Variants in MYH16 observed in about 807,000 individuals in gnomAD.
MYH16 encodes putative uncharacterized protein MYH16.
At chr7:99,274,669 CTTTTTTTTT>C (rs745470963) in intron 20 of MYH16, among the ~76,000 whole-genome samples, 2 of 117,564 alleles carry the variant, frequency 1.7e-5, no homozygotes, top group East Asian at 5.0e-4. Flanking sequence ...CATTAATTCA[CTTTTTTTTT>C]TTTTTTTTTT....
chr7:99,277,408 C>T (rs1181708176), intron 20 of MYH16, 131 bp from the exon 3 acceptor site: 1 of 346,198 alleles, frequency 2.9e-6, no homozygotes, highest in Non-Finnish European at 5.7e-6. Context: ...ACCCGCAGAG[C>T]TACAGCAAGA....
At chr7:99,275,199 T>C (rs1239831066) in intron 20 of MYH16, among the ~76,000 whole-genome samples, 1 of 152,124 alleles carries the variant, frequency 6.6e-6, no homozygotes, top group Non-Finnish European at 1.5e-5. Context: ...GGTCTTGCTA[T>C]GTTGCCCAGG....
chr7:99,296,792 TG>T (rs1406827226), exon 34 of MYH16: 1 of 456,336 alleles, frequency 2.2e-6, no homozygotes, highest in Non-Finnish European at 4.4e-6. Context: ...GAGTTGCAGG[TG>T]GAAGTGGACA....
intron 9 of MYH16, among the ~76,000 whole-genome samples, chr7:99,256,595 G>A (rs1277462869): frequency 6.6e-6 from 1 of 152,188 alleles, no homozygotes; most frequent in Non-Finnish European, 1.5e-5. Context: ...CCAACATGGT[G>A]AAACCCCGTC....
At chr7:99,273,415 TACA>T (rs1380142461) in exon 20 of MYH16, 4 of 456,542 alleles carry the variant, frequency 8.8e-6, no homozygotes, top group South Asian at 1.5e-5. Context: ...GTGGAAGCTG[TACA>T]ACAAGGTGAG....
intron 12 of MYH16, chr7:99,260,527 T>G: frequency 3.1e-6 from 1 of 322,374 alleles, no homozygotes; most frequent in East Asian, 6.8e-5. Context: ...TGTTGGGCTA[T>G]TGCATGCCAC....
intron 20 of MYH16, among the ~76,000 whole-genome samples, chr7:99,273,891 AAAGGGAGAGAGGAAAGG>A (rs958134746): frequency 9.4e-5 from 14 of 148,816 alleles, no homozygotes; most frequent in Non-Finnish European, 1.6e-4. Context: ...GGGAGAGATG[AAAGGGAGAGAGGAAAGG>A]AAGGGAGAGA....
chr7:99,283,965 C>A (rs745338181), exon 25 of MYH16: 8 of 456,632 alleles, frequency 1.8e-5, no homozygotes, highest in South Asian at 1.2e-4. Context: ...TGACCATCGA[C>A]AACCTCAATG....
At chr7:99,274,048 G>C (rs907213386) in intron 20 of MYH16, among the ~76,000 whole-genome samples, 5 of 152,212 alleles carry the variant, frequency 3.3e-5, no homozygotes, top group Non-Finnish European at 5.9e-5. Context: ...CCTTGCCCCT[G>C]GGCATGTTGA....
chr7:99,290,027 C>T (rs556934749), intron 30 of MYH16, among the ~76,000 whole-genome samples: 1 of 152,216 alleles, frequency 6.6e-6, no homozygotes, highest in East Asian at 1.9e-4. Context: ...TCTAACTTTG[C>T]AGAAGCTGTG....
At chr7:99,256,160 C>T (rs935152097) in intron 9 of MYH16, among the ~76,000 whole-genome samples, 4 of 150,536 alleles carry the variant, frequency 2.7e-5, no homozygotes, top group Non-Finnish European at 5.9e-5. Context: ...ATAATAGTGC[C>T]AGGCACAGTA....
intron 23 of MYH16, 59 bp from the exon 6 acceptor site, chr7:99,283,506 G>T (rs1300528481): frequency 1.5e-5 from 7 of 453,856 alleles, no homozygotes; most frequent in African/African-American, 4.0e-5. Flanking sequence ...TGAGGATCAG[G>T]ACTGTTCAGC....
intron 2 of MYH16, among the ~76,000 whole-genome samples, chr7:99,246,204 T>C (rs1433481919): frequency 7.6e-6 from 1 of 130,752 alleles, no homozygotes; most frequent in Non-Finnish European, 1.6e-5. Flanking sequence ...AGGCTCTGTC[T>C]CTAAAAAAAA....
At chr7:99,268,546 C>T (rs1423234698) in intron 18 of MYH16, among the ~76,000 whole-genome samples, 1 of 152,226 alleles carries the variant, frequency 6.6e-6, no homozygotes, top group East Asian at 1.9e-4. Context: ...ACAAGGGTTG[C>T]ATTAGGCACG....
chr7:99,243,947 A>G (rs1008014583), intron 2 of MYH16, among the ~76,000 whole-genome samples: 1 of 151,980 alleles, frequency 6.6e-6, no homozygotes, highest in Non-Finnish European at 1.5e-5. Context: ...CCATCCAAAC[A>G]TCTATCCATC....
At chr7:99,289,487 C>A in intron 30 of MYH16, 83 bp downstream of exon 11, 1 of 221,392 alleles carries the variant, frequency 4.5e-6, no homozygotes. Flanking sequence ...GCTTTCTTGG[C>A]CTTGGAAGAT....
chr7:99,266,502 G>A (rs1480081936), intron 17 of MYH16, among the ~76,000 whole-genome samples: 1 of 152,158 alleles, frequency 6.6e-6, no homozygotes, highest in Non-Finnish European at 1.5e-5. Context: ...GTGTGTCCAA[G>A]ATCACAAAGG....
At chr7:99,273,976 T>C (rs1202380712) in intron 20 of MYH16, among the ~76,000 whole-genome samples, 2 of 152,002 alleles carry the variant, frequency 1.3e-5, no homozygotes, top group African/African-American at 4.8e-5. Flanking sequence ...CAAAATAAAA[T>C]CCACTTAAGA....
At chr7:99,272,808 A>G (rs1330555812) in intron 19 of MYH16, among the ~76,000 whole-genome samples, 31 bp from the exon 1 acceptor site, 3 of 151,730 alleles carry the variant, frequency 2.0e-5, no homozygotes, top group African/African-American at 4.8e-5. Flanking sequence ...CTTTGTGGTC[A>G]TAGAATTAGT....
Sources: gnomAD v4.1 joint callset for allele counts (sites outside exome capture counted in the v4.1 genomes callset) on GRCh38, gnomAD v4.1.1 for gene constraint, MANE v1.5 for transcripts, NCBI Gene and HGNC (gene_info 2026-07-23, HGNC 2026-07-21) for gene names.